The following UNC5D variants were observed in gnomAD, a reference collection of about 807,000 sequenced individuals.
The protein encoded by UNC5D is netrin receptor UNC5D.
UNC5D carries 39 observed loss-of-function variants against 105.4 expected under a neutral mutation model. The ratio of observed to expected loss-of-function variants is 0.37; its 90% CI spans 0.29 to 0.48. UNC5D has a LOEUF of 0.48. UNC5D is among the 20% of genes least tolerant of loss of function. The pLI is 0.98. For synonymous variants in UNC5D, 452 were observed against 450.4 expected, an observed-to-expected ratio of 1.00 and a Z score of -0.04; for missense variants, 991 against 1,202.4, an observed-to-expected ratio of 0.82 and a Z score of 2.60.
At chr8:35,765,561 A>G (rs980959568) in intron 14 of UNC5D, among the ~76,000 whole-genome samples, 2 of 152,168 alleles carry the variant, frequency 1.3e-5, no homozygotes, top group Non-Finnish European at 2.9e-5. Context: ...ACAACAATCT[A>G]AAGTCCATCC....
intron 4 of UNC5D, among the ~76,000 whole-genome samples, chr8:35,609,400 TACACAGTAAGTCATTGCTATC>T (rs1201630002): frequency 6.6e-6 from 1 of 152,218 alleles, no homozygotes; most frequent in Non-Finnish European, 1.5e-5. Context: ...AGCAGTAGCT[TACACAGTAAGTCATTGCTATC>T]AGCATCTATG....
At chr8:35,360,565 C>T (rs1013928548) in intron 1 of UNC5D, among the ~76,000 whole-genome samples, 3 of 152,072 alleles carry the variant, frequency 2.0e-5, no homozygotes, top group East Asian at 3.9e-4. Flanking sequence ...TTTAGTGCAT[C>T]GTCTATAGGT....
chr8:35,360,131 T>G (rs1238817425), intron 1 of UNC5D, among the ~76,000 whole-genome samples: 1 of 152,172 alleles, frequency 6.6e-6, no homozygotes, highest in Non-Finnish European at 1.5e-5. Flanking sequence ...TTTTTTCATG[T>G]CCCTGTGCCA....
intron 3 of UNC5D, 64 bp downstream of exon 3, chr8:35,568,305 A>G: frequency 6.4e-7 from 1 of 1,572,222 alleles, no homozygotes; most frequent in Non-Finnish European, 8.6e-7. Context: ...AGAGCTGAAG[A>G]GAGGTTTTAC....
chr8:35,643,517 A>C (rs1419489670), intron 4 of UNC5D, among the ~76,000 whole-genome samples: 1 of 152,050 alleles, frequency 6.6e-6, no homozygotes, highest in East Asian at 1.9e-4. Context: ...GGGTTTCACC[A>C]TATTAGTATT....
At chr8:35,706,971 G>A (rs1365106873) in intron 8 of UNC5D, among the ~76,000 whole-genome samples, 1 of 152,188 alleles carries the variant, frequency 6.6e-6, no homozygotes. Flanking sequence ...GCTCTCATTA[G>A]TAGGAGATTA....
At chr8:35,594,239 C>A (rs1286566599) in intron 3 of UNC5D, among the ~76,000 whole-genome samples, 3 of 152,144 alleles carry the variant, frequency 2.0e-5, no homozygotes, top group African/African-American at 7.2e-5. Context: ...CATTGGTTGC[C>A]TCTGGGAGGG....
At chr8:35,706,473 G>A (rs1054902069) in intron 8 of UNC5D, among the ~76,000 whole-genome samples, 4 of 152,122 alleles carry the variant, frequency 2.6e-5, no homozygotes, top group Non-Finnish European at 5.9e-5. Flanking sequence ...TTATGGGAGA[G>A]GCCTTTGCAT....
chr8:35,384,581 T>G (rs1803267142), intron 1 of UNC5D, among the ~76,000 whole-genome samples: 1 of 152,176 alleles, frequency 6.6e-6, no homozygotes, highest in Non-Finnish European at 1.5e-5. Flanking sequence ...GGCCTCCTAA[T>G]GAAATGTAGA....
At chr8:35,707,397 C>A (rs1202781130) in intron 8 of UNC5D, among the ~76,000 whole-genome samples, 1 of 152,092 alleles carries the variant, frequency 6.6e-6, no homozygotes, top group African/African-American at 2.4e-5. Flanking sequence ...AAGTATTGGT[C>A]CTCTGACATC....
chr8:35,425,092 G>A (rs967267598), intron 1 of UNC5D, among the ~76,000 whole-genome samples: 2 of 152,096 alleles, frequency 1.3e-5, no homozygotes, highest in Non-Finnish European at 2.9e-5. Flanking sequence ...GTTAAATGAC[G>A]AGTTAAAGGG....
chr8:35,726,259 G>A lies in UNC5D; in HGVS notation c.1411G>A (p.Glu471Lys), dbSNP rs1257951217. 1 of 1,614,024 alleles carries A rather than the reference G, an allele frequency of 6.2e-7. No homozygotes were observed. Among genetic ancestry groups the A allele is most frequent in the Non-Finnish European group, 8.5e-7 (1 of 1,180,022 alleles). The change falls in exon 10 of 17, where the codon GAG becomes AAG. Residue 471 changes from glutamate (E) to lysine (K), a missense_variant. Physicochemically the swap from Glu to Lys is moderately conservative, Grantham distance 56. This residue lies in a region of UNC5D where 944 missense variants were observed against 1,131.6 expected (regional missense o/e 0.83). Coordinates refer to ENST00000404895, the MANE Select transcript of UNC5D (RefSeq NM_080872.4). ...QDPLDKELMT[E>K]SSLFNPLSDI... ...CCCTCTGGACAAGGAGCTCATGACA[G>A]AGTCCTCACTCTTTAACCCTTTGTC...
At chr8:35,389,917 T>C (rs1279180022) in intron 1 of UNC5D, among the ~76,000 whole-genome samples, 1 of 152,162 alleles carries the variant, frequency 6.6e-6, no homozygotes, top group Non-Finnish European at 1.5e-5. Context: ...TCCCACCTGT[T>C]AAGAGAATTG....
intron 7 of UNC5D, among the ~76,000 whole-genome samples, chr8:35,700,729 G>T (rs1827134633): frequency 6.6e-6 from 1 of 152,136 alleles, no homozygotes; most frequent in Admixed American, 6.5e-5. Context: ...TTGTACTGAG[G>T]TGCTCCAGAA....
chr8:35,660,110 A>G (rs927530176), intron 4 of UNC5D, among the ~76,000 whole-genome samples: 1 of 152,224 alleles, frequency 6.6e-6, no homozygotes, highest in Non-Finnish European at 1.5e-5. Flanking sequence ...AATAAAATGC[A>G]AATATCCAGG....
chr8:35,710,956 T>TTTTTTTTA (rs1563693150), intron 8 of UNC5D, among the ~76,000 whole-genome samples: 1 of 138,872 alleles, frequency 7.2e-6, no homozygotes. Flanking sequence ...TTTTTTTTTT[T>TTTTTTTTA]GAGACGGAGT....
chr8:35,417,913 A>G (rs1228219389), intron 1 of UNC5D, among the ~76,000 whole-genome samples: 5 of 152,208 alleles, frequency 3.3e-5, no homozygotes, highest in Non-Finnish European at 4.4e-5. Context: ...ATAGTAAATC[A>G]GTGGAGGGGA....
intron 3 of UNC5D, among the ~76,000 whole-genome samples, 184 bp downstream of exon 3, chr8:35,568,425 A>C (rs1048795553): frequency 1.3e-5 from 2 of 152,266 alleles, no homozygotes; most frequent in African/African-American, 4.8e-5. Flanking sequence ...ACAGTGGCTC[A>C]CGCCTGTGAT....
intron 1 of UNC5D, among the ~76,000 whole-genome samples, chr8:35,237,189 T>G (rs1802528064): frequency 6.8e-6 from 1 of 146,706 alleles, no homozygotes; most frequent in African/African-American, 2.5e-5. Flanking sequence ...GTTTTTTTTT[T>G]TTTTTTTTTT....
Sources: allele counts gnomAD v4.1 joint callset (sites outside exome capture counted in the v4.1 genomes callset), GRCh38; gene constraint gnomAD v4.1.1; regional missense constraint gnomAD v4.1.1; transcripts MANE v1.5; gene names NCBI Gene and HGNC (gene_info 2026-07-23, HGNC 2026-07-21).